The following SNTB1 variants were observed in gnomAD, a reference collection of about 807,000 sequenced individuals.
The protein encoded by SNTB1 is beta-1-syntrophin.
Under a neutral mutation model 48.9 loss-of-function variants are expected in SNTB1, and 36 were observed. That is an observed-to-expected ratio of 0.74 (90% confidence interval 0.56 to 0.97). The LOEUF (loss-of-function observed/expected upper bound fraction) is 0.97. SNTB1 is among the 50% of genes least tolerant of loss of function. SNTB1 has a pLI of 0.00. For missense variants in SNTB1, 786 were observed against 703.4 expected (o/e 1.12, Z -1.33); for synonymous variants, 299 against 294.6 (o/e 1.01, Z -0.15).
At chr8:120,723,438 C>T (rs73706743) in intron 1 of SNTB1, among the ~76,000 whole-genome samples, 3,585 of 152,154 alleles carry the variant, frequency 0.024, 133 homozygotes, top group African/African-American at 0.081. Context: ...AGGCAAAAAA[C>T]GTGGCATTTC....
At chr8:120,768,032 T>C (rs1436705695) in intron 1 of SNTB1, among the ~76,000 whole-genome samples, 2 of 152,160 alleles carry the variant, frequency 1.3e-5, no homozygotes, top group African/African-American at 4.8e-5. Context: ...GATTTTAAAA[T>C]TGCAACTGCA....
intron 1 of SNTB1, among the ~76,000 whole-genome samples, chr8:120,726,148 A>G (rs748633572): frequency 6.6e-6 from 1 of 152,164 alleles, no homozygotes; most frequent in Admixed American, 6.5e-5. Flanking sequence ...GTATAAGCAA[A>G]ACTATTTTCC....
Position 120,722,405 on chromosome 8 carries a change from C to T in SNTB1, c.572-28497G>A, listed in dbSNP as rs547625230. Among the ~76,000 whole-genome samples, 74 of 152,290 alleles carry T rather than the reference C, an allele frequency of 4.9e-4. 1 individual carries two copies. The East Asian group carries it at 0.012, about 25-fold the overall frequency. ...TATTTCTCCACATCCTCTCCAGCAC[C>T]TGTTGTTTCCTGACTTTTTAATGAT... On this transcript the variant is annotated intron_variant, in intron 1 of 6. Transcript: ENST00000517992.
intron 2 of SNTB1, among the ~76,000 whole-genome samples, chr8:120,656,699 T>A (rs1817508891): frequency 6.6e-6 from 1 of 152,212 alleles, no homozygotes; most frequent in African/African-American, 2.4e-5. Flanking sequence ...TGAGGGCCTA[T>A]TTTTGCTTCT....
chr8:120,584,849 G>C (rs1816111705), intron 3 of SNTB1, among the ~76,000 whole-genome samples: 1 of 152,158 alleles, frequency 6.6e-6, no homozygotes, highest in Non-Finnish European at 1.5e-5. Flanking sequence ...CGTGTACACA[G>C]GGAGGAGGCC....
chr8:120,803,636 T>C (rs1015057041), intron 1 of SNTB1, among the ~76,000 whole-genome samples: 3 of 152,166 alleles, frequency 2.0e-5, no homozygotes, highest in Admixed American at 2.0e-4. Flanking sequence ...GTGAGTTATT[T>C]TTAATACACA....
At chr8:120,755,628 C>T (rs549871384) in intron 1 of SNTB1, among the ~76,000 whole-genome samples, 1 of 152,170 alleles carries the variant, frequency 6.6e-6, no homozygotes, top group South Asian at 2.1e-4. Context: ...CACTAGAAAA[C>T]AATAATAAAA....
At chr8:120,615,087 G>T (rs956180753) in intron 3 of SNTB1, among the ~76,000 whole-genome samples, 1 of 151,908 alleles carries the variant, frequency 6.6e-6, no homozygotes, top group East Asian at 1.9e-4. Context: ...GGAAGCGGAG[G>T]TTTCAGTGAG....
At chr8:120,696,514 A>G (rs562451389) in intron 1 of SNTB1, among the ~76,000 whole-genome samples, 4 of 152,308 alleles carry the variant, frequency 2.6e-5, no homozygotes, top group African/African-American at 9.6e-5. Flanking sequence ...GTTTCAAATG[A>G]CCATTTAAGG....
chr8:120,727,205 G>A (rs1434177371), intron 1 of SNTB1, among the ~76,000 whole-genome samples: 3 of 152,168 alleles, frequency 2.0e-5, no homozygotes, highest in Admixed American at 1.3e-4. Flanking sequence ...ATTTGTAGTT[G>A]TCATGCATTA....
At chr8:120,806,981 A>G (rs78203946) in intron 1 of SNTB1, among the ~76,000 whole-genome samples, 3,384 of 152,238 alleles carry the variant, frequency 0.022, 119 homozygotes, top group African/African-American at 0.074. Context: ...AGACCATCTC[A>G]GGCAAACATT....
chr8:120,634,845 A>G (rs1817047036), intron 2 of SNTB1, among the ~76,000 whole-genome samples: 1 of 150,200 alleles, frequency 6.7e-6, no homozygotes, highest in Admixed American at 6.7e-5. Flanking sequence ...AGCCATAATT[A>G]GTATTCATTT....
At chr8:120,805,894 C>T (rs2130189344) in intron 1 of SNTB1, among the ~76,000 whole-genome samples, 1 of 152,304 alleles carries the variant, frequency 6.6e-6, no homozygotes. Flanking sequence ...ATCTAAGACT[C>T]AGCACTTATT....
At position 120,811,363 on chromosome 8, in the gene SNTB1, G is replaced by A. The variant is rs200138248; in HGVS notation, c.481C>T (p.Leu161=). ...CGCAGGTCGGCTCCGTTCACGGACA[G>A]GATGGCGTCGCCCACGTACAGGGCT... ...TQALYVGDAI[L]SVNGADLRDA... is the part of the protein sequence containing the mutation. Residue 161 remains leucine, a synonymous_variant, in exon 1 of 7, where the codon CTG becomes TTG. Coordinates refer to ENST00000517992, the MANE Select transcript of SNTB1 (RefSeq NM_021021.4). 1.6e-4 allele frequency: 258 copies of A among 1,613,606 alleles called. No homozygotes were observed. Among genetic ancestry groups the A allele is most frequent in the Non-Finnish European group, 2.1e-4 (251 of 1,179,926 alleles).
At chr8:120,659,391 G>A (rs192731572) in intron 2 of SNTB1, among the ~76,000 whole-genome samples, 3 of 152,152 alleles carry the variant, frequency 2.0e-5, no homozygotes, top group Non-Finnish European at 4.4e-5. Context: ...GCCTGCATTT[G>A]TTCAAGTTTT....
At chr8:120,766,249 C>T (rs896044193) in intron 1 of SNTB1, among the ~76,000 whole-genome samples, 1 of 152,076 alleles carries the variant, frequency 6.6e-6, no homozygotes, top group African/African-American at 2.4e-5. Context: ...AGGTTAGTCT[C>T]ATTTTTGTAG....
chr8:120,689,295 C>T (rs1213807370), intron 2 of SNTB1, among the ~76,000 whole-genome samples: 1 of 152,200 alleles, frequency 6.6e-6, no homozygotes, highest in African/African-American at 2.4e-5. Context: ...TTTTAGCTCC[C>T]AGGACACCAT....
At chr8:120,659,361 G>A (rs553281483) in intron 2 of SNTB1, among the ~76,000 whole-genome samples, 1 of 151,152 alleles carries the variant, frequency 6.6e-6, no homozygotes, top group East Asian at 1.9e-4. Flanking sequence ...CTTTTTTTTT[G>A]CTCATCCATA....
At chr8:120,560,116 ACT>A (rs1815627927) in intron 4 of SNTB1, among the ~76,000 whole-genome samples, 1 of 152,088 alleles carries the variant, frequency 6.6e-6, no homozygotes, top group Admixed American at 6.6e-5. Context: ...TCCCAGGAAC[ACT>A]CTCTAACTCC....
Sources: gnomAD v4.1 joint callset for allele counts (sites outside exome capture counted in the v4.1 genomes callset) on GRCh38, gnomAD v4.1.1 for gene constraint, MANE v1.5 for transcripts, NCBI Gene and HGNC (gene_info 2026-07-23, HGNC 2026-07-21) for gene names.